The following ARNT2 variants were observed in gnomAD, a reference collection of about 807,000 sequenced individuals.
ARNT2 encodes aryl hydrocarbon receptor nuclear translocator 2.
Under a neutral mutation model 91.7 loss-of-function variants are expected in ARNT2, and 36 were observed. The observed-to-expected ratio is 0.39, with a 90% CI of 0.30 to 0.52. The LOEUF (loss-of-function observed/expected upper bound fraction) is 0.52, where lower values mean the gene tolerates loss of function less well. ARNT2 is among the 20% of genes least tolerant of loss of function. The pLI, the probability that ARNT2 is intolerant of heterozygous loss-of-function variation, is 0.72. For missense variants in ARNT2, 775 were observed against 939.3 expected (o/e 0.83, Z 2.29); for synonymous variants, 365 against 347.1 (o/e 1.05, Z -0.57).
intron 8 of ARNT2, among the ~76,000 whole-genome samples, chr15:80,529,500 TTTTTC>T (rs1220504868): frequency 6.6e-6 from 1 of 151,772 alleles, no homozygotes; most frequent in South Asian, 2.1e-4. Context: ...AGATAGCCTG[TTTTTC>T]TTTTCTTTTT....
chr15:80,415,268 T>G (rs1895761503), intron 1 of ARNT2, among the ~76,000 whole-genome samples: 1 of 152,254 alleles, frequency 6.6e-6, no homozygotes, highest in African/African-American at 2.4e-5. Context: ...TATCCATTCA[T>G]TGGCCCAAGC....
intron 17 of ARNT2, among the ~76,000 whole-genome samples, chr15:80,586,062 A>G (rs906415169): frequency 2.0e-5 from 3 of 152,160 alleles, no homozygotes; most frequent in Non-Finnish European, 2.9e-5. Context: ...TGAATCCTCA[A>G]ATTGCTCAGT....
At chr15:80,467,291 C>A (rs1896669947) in intron 3 of ARNT2, among the ~76,000 whole-genome samples, 1 of 152,064 alleles carries the variant, frequency 6.6e-6, no homozygotes, top group African/African-American at 2.4e-5. Context: ...TGGGAGAGAA[C>A]CAGGAAACAG....
At chr15:80,518,549 G>A (rs539366956) in intron 8 of ARNT2, among the ~76,000 whole-genome samples, 30 of 152,122 alleles carry the variant, frequency 2.0e-4, no homozygotes, top group African/African-American at 5.8e-4. Context: ...AAAATGCTGG[G>A]ATTATAGGCA....
intron 12 of ARNT2, among the ~76,000 whole-genome samples, chr15:80,573,172 A>AT (rs1184296799): frequency 6.6e-6 from 1 of 152,360 alleles, no homozygotes; most frequent in African/African-American, 2.4e-5. Context: ...TGTGAAACAT[A>AT]TTTTTACCAA....
chr15:80,552,334 G>A (rs866679817), intron 9 of ARNT2, among the ~76,000 whole-genome samples: 7 of 152,190 alleles, frequency 4.6e-5, no homozygotes, highest in Non-Finnish European at 1.0e-4. Flanking sequence ...ACCAACTTGA[G>A]CAAATGCCAA....
rs984123585 is a variant in ARNT2, at chr15:80,568,552, C to G, written c.1316+5313C>G. Among the ~76,000 whole-genome samples, 3 of 152,302 alleles carry G rather than the reference C, an allele frequency of 2.0e-5. No individual in the cohort carries two copies. The East Asian group carries it at 5.8e-4, about 29-fold the overall frequency. On this transcript the variant is annotated intron_variant, in intron 12 of 18. Coordinates refer to ENST00000303329, the MANE Select transcript of ARNT2 (RefSeq NM_014862.4). ...CTTCGTCATGCTTAGCAGTGGCCAC[C>G]TGGTTGGTCCTAGGCAGGCAGTGGA...
intron 1 of ARNT2, among the ~76,000 whole-genome samples, chr15:80,426,304 C>T (rs537328036): frequency 1.3e-5 from 2 of 152,338 alleles, no homozygotes; most frequent in East Asian, 1.9e-4. Flanking sequence ...TTGAGATCTT[C>T]GCTGCTTGTT....
chr15:80,453,244 G>A (rs1161929829), intron 2 of ARNT2, among the ~76,000 whole-genome samples: 2 of 152,214 alleles, frequency 1.3e-5, no homozygotes, highest in Non-Finnish European at 2.9e-5. Flanking sequence ...GAGAGAGGAA[G>A]GAGGATGAGC....
intron 1 of ARNT2, among the ~76,000 whole-genome samples, chr15:80,408,674 A>G (rs1049146316): frequency 3.3e-5 from 5 of 152,202 alleles, no homozygotes; most frequent in African/African-American, 1.2e-4. Flanking sequence ...CCAGCTGGAC[A>G]TACAGTTGAG....
chr15:80,580,945 G>A (rs551662836), intron 16 of ARNT2, among the ~76,000 whole-genome samples: 36 of 152,290 alleles, frequency 2.4e-4, no homozygotes, highest in African/African-American at 8.4e-4. Flanking sequence ...TGATTGGGCT[G>A]AGGGAGTTCT....
intron 12 of ARNT2, among the ~76,000 whole-genome samples, chr15:80,564,643 GC>G (rs1468952946): frequency 1.3e-5 from 2 of 152,014 alleles, no homozygotes; most frequent in African/African-American, 2.4e-5. Context: ...GGTGAACATA[GC>G]TCCCAATAGG....
intron 5 of ARNT2, among the ~76,000 whole-genome samples, chr15:80,485,433 T>C (rs1017056411): frequency 6.6e-6 from 1 of 152,192 alleles, no homozygotes; most frequent in Non-Finnish European, 1.5e-5. Flanking sequence ...GATCTAGTGA[T>C]GAATAAAACC....
At chr15:80,417,554 C>CTT (rs35946105) in intron 1 of ARNT2, among the ~76,000 whole-genome samples, 112,411 of 150,258 alleles carry the variant, frequency 0.75, 42,345 homozygotes, top group East Asian at 0.8. Context: ...CTTCCTTCTC[C>CTT]TTTCTTTTCT....
At chr15:80,424,619 C>T (rs1444150286) in intron 1 of ARNT2, among the ~76,000 whole-genome samples, 1 of 152,134 alleles carries the variant, frequency 6.6e-6, no homozygotes, top group Non-Finnish European at 1.5e-5. Context: ...TGTCTGTAAT[C>T]ATCAAATAAA....
chr15:80,425,579 T>G (rs1282200511), intron 1 of ARNT2, among the ~76,000 whole-genome samples: 1 of 152,196 alleles, frequency 6.6e-6, no homozygotes, highest in Non-Finnish European at 1.5e-5. Flanking sequence ...GTTTTGTTTT[T>G]ATTTTTTCCA....
rs1198567285 is a variant in ARNT2, at chr15:80,581,235, G to A, written c.1753-4G>A. The A allele has an allele frequency of 1.2e-6, 2 of 1,613,964 alleles. No homozygotes were observed. The highest frequency in any genetic ancestry group is 8.5e-7 in the Non-Finnish European group (1 of 1,180,006). On this transcript the variant is annotated splice_polypyrimidine_tract_variant and splice_region_variant and intron_variant, in intron 16 of 18. Coordinates refer to ENST00000303329, the MANE Select transcript of ARNT2 (RefSeq NM_014862.4). ...TCCATCTCTTTGCTTTGTCCTGATT[G>A]TAGCAAATCCCATCTCAGTCCAGCA...
chr15:80,583,776 G>C (rs1213394906), intron 17 of ARNT2, among the ~76,000 whole-genome samples: 1 of 152,202 alleles, frequency 6.6e-6, no homozygotes, highest in Admixed American at 6.5e-5. Context: ...AAGCTGGGCA[G>C]TACATCTGAG....
rs1365655270 is a variant in ARNT2, at chr15:80,575,096, C to T, written c.1499C>T (p.Ala500Val). 1.9e-6 allele frequency: 3 copies of T among 1,614,006 alleles called. No individual in the cohort carries two copies. In the South Asian group the frequency reaches 3.3e-5, roughly 18 times the overall value. Reference sequence around the variant, plus strand: ...GATCCTCGGTTTGCTGAAATGTTTGCAGGAATTAGTGCATGTAAGTTTCCA... The same window carrying T: ...GATCCTCGGTTTGCTGAAATGTTTGTAGGAATTAGTGCATGTAAGTTTCCA... Reference protein sequence around the residue: ...ERDPRFAEMFAGISASEKKMM... With the variant: ...ERDPRFAEMFVGISASEKKMM... The change falls in exon 14 of 19, where the codon GCA (alanine) becomes GTA (valine). Residue 500 changes from alanine (A) to valine (V), a missense_variant. Coordinates refer to ENST00000303329, the MANE Select transcript of ARNT2 (RefSeq NM_014862.4).
Sources: allele counts gnomAD v4.1 joint callset (sites outside exome capture counted in the v4.1 genomes callset), GRCh38; gene constraint gnomAD v4.1.1; transcripts MANE v1.5; gene names NCBI Gene and HGNC (gene_info 2026-07-23, HGNC 2026-07-21).